AQP7B: variants seen among roughly 807,000 people sequenced by gnomAD.
The protein encoded by AQP7B is aquaporin 7B.
chr2:94,588,466 C>G, the AQP7B span: 1 of 618,280 alleles, frequency 1.6e-6, no homozygotes, highest in Admixed American at 2.7e-5. Context: ...CTGTGTCCTC[C>G]AGCCCTAGTG....
the AQP7B span, among the ~76,000 whole-genome samples, chr2:94,598,732 G>A: frequency 0.021 from 3,273 of 152,288 alleles, 52 homozygotes; most frequent in Non-Finnish European, 0.032. Flanking sequence ...GATGAATTAC[G>A]TGCATGAGTT....
chr2:94,597,224 C>A, the AQP7B span, among the ~76,000 whole-genome samples: 3 of 152,126 alleles, frequency 2.0e-5, no homozygotes. Flanking sequence ...CTCCTTAATC[C>A]AGGGCAAAGT....
the AQP7B span, among the ~76,000 whole-genome samples, chr2:94,587,767 G>A: frequency 6.6e-6 from 1 of 152,134 alleles, no homozygotes; most frequent in Non-Finnish European, 1.5e-5. Context: ...ACAGGGGGAG[G>A]CGTGCAGGCA....
the AQP7B span, among the ~76,000 whole-genome samples, chr2:94,601,806 G>A: frequency 6.6e-6 from 1 of 152,146 alleles, no homozygotes; most frequent in Non-Finnish European, 1.5e-5. Context: ...GGAGAGGATA[G>A]CACAGGAGCC....
At chr2:94,598,015 C>G in the AQP7B span, among the ~76,000 whole-genome samples, 2 of 152,212 alleles carry the variant, frequency 1.3e-5, no homozygotes, top group African/African-American at 4.8e-5. Context: ...AAGGTCCTCA[C>G]TTTCAGGTAG....
the AQP7B span, among the ~76,000 whole-genome samples, chr2:94,594,370 C>T: frequency 1.3e-5 from 2 of 152,234 alleles, no homozygotes; most frequent in African/African-American, 2.4e-5. Context: ...GATGGACAGA[C>T]ATAGACAACT....
chr2:94,597,612 G>GTTTTTTTTT, the AQP7B span, among the ~76,000 whole-genome samples: 3 of 127,638 alleles, frequency 2.4e-5, no homozygotes, highest in Non-Finnish European at 3.4e-5. Flanking sequence ...AGTCTTTTTT[G>GTTTTTTTTT]TTTTTTTTTT....
the AQP7B span, among the ~76,000 whole-genome samples, chr2:94,588,819 CCT>C: frequency 6.6e-6 from 1 of 151,550 alleles, no homozygotes; most frequent in African/African-American, 2.4e-5. Context: ...GCACTCAGCA[CCT>C]CTCACCCTCT....
chr2:94,590,344 A>G, the AQP7B span, among the ~76,000 whole-genome samples: 2 of 150,940 alleles, frequency 1.3e-5, no homozygotes, highest in African/African-American at 2.4e-5. Flanking sequence ...CACCACGCCC[A>G]GCTAATTTTT....
chr2:94,593,629 G>A, the AQP7B span, among the ~76,000 whole-genome samples: 1 of 152,066 alleles, frequency 6.6e-6, no homozygotes, highest in Non-Finnish European at 1.5e-5. Context: ...GGGATTACAG[G>A]CATGTGCCAC....
the AQP7B span, among the ~76,000 whole-genome samples, chr2:94,601,479 G>A: frequency 3.3e-5 from 5 of 152,324 alleles, no homozygotes; most frequent in East Asian, 3.9e-4. Flanking sequence ...AACTGTCTAC[G>A]TGGTAAAACC....
the AQP7B span, chr2:94,604,448 C>T: frequency 6.2e-7 from 1 of 1,611,446 alleles, no homozygotes; most frequent in South Asian, 1.1e-5. Flanking sequence ...AACCGTATTG[C>T]CCAAGATGGG....
At chr2:94,591,936 T>C in the AQP7B span, among the ~76,000 whole-genome samples, 21 of 152,350 alleles carry the variant, frequency 1.4e-4, no homozygotes, top group Admixed American at 2.6e-4. Flanking sequence ...AATTGCTCAA[T>C]TGATTGCTTT....
At chr2:94,604,042 G>A in the AQP7B span, 1 of 740,634 alleles carries the variant, frequency 1.4e-6, no homozygotes, top group Admixed American at 2.7e-5. Flanking sequence ...GAGCCCCCAG[G>A]TGGCCTGGGG....
the AQP7B span, among the ~76,000 whole-genome samples, chr2:94,589,255 C>T: frequency 2.6e-5 from 4 of 151,762 alleles, no homozygotes; most frequent in African/African-American, 4.8e-5. Context: ...GTGATCCACC[C>T]GCCTCGGCCT....
the AQP7B span, among the ~76,000 whole-genome samples, chr2:94,598,524 A>G: frequency 6.6e-6 from 1 of 152,196 alleles, no homozygotes; most frequent in Non-Finnish European, 1.5e-5. Context: ...CCAAGAGAGC[A>G]GCAACTCTGG....
chr2:94,597,620 T>A, the AQP7B span, among the ~76,000 whole-genome samples: 10 of 151,468 alleles, frequency 6.6e-5, no homozygotes, highest in Non-Finnish European at 1.2e-4. Flanking sequence ...TTGTTTTTTT[T>A]TTTTTGTTTT....
At chr2:94,604,323 C>T in the AQP7B span, 3 of 1,609,744 alleles carry the variant, frequency 1.9e-6, no homozygotes, top group Non-Finnish European at 1.7e-6. Flanking sequence ...CCAGTGGTGG[C>T]ACCACTTCTG....
At chr2:94,603,529 C>A in the AQP7B span, 1 of 1,587,010 alleles carries the variant, frequency 6.3e-7, no homozygotes, top group Non-Finnish European at 8.6e-7. Flanking sequence ...AGTACCCCTC[C>A]CCCTGCCCTC....
Sources: gnomAD v4.1 joint callset for allele counts (sites outside exome capture counted in the v4.1 genomes callset) on GRCh38, gnomAD v4.1.1 for gene constraint, MANE v1.5 for transcripts, NCBI Gene and HGNC (gene_info 2026-07-23, HGNC 2026-07-21) for gene names.